The following SIL1 variants were observed in gnomAD, a reference collection of about 807,000 sequenced individuals.
SIL1 encodes the protein SIL1 nucleotide exchange factor.
In SIL1, 40 loss-of-function variants were observed where a neutral mutation model predicts 49.1. The ratio of observed to expected loss-of-function variants is 0.81; its 90% CI spans 0.63 to 1.06. The LOEUF (loss-of-function observed/expected upper bound fraction) is 1.06, where lower values mean the gene tolerates loss of function less well. Ranked by LOEUF, SIL1 falls within the 50% of genes least tolerant of loss-of-function variation. The pLI, the probability that SIL1 is intolerant of heterozygous loss-of-function variation, is 0.00. For synonymous variants in SIL1, 253 were observed against 250.8 expected (o/e 1.01, Z -0.08); for missense variants, 500 against 572.6 (o/e 0.87, Z 1.29).
At chr5:139,087,177 G>C (rs1027613406) in intron 3 of SIL1, among the ~76,000 whole-genome samples, 6 of 151,676 alleles carry the variant, frequency 4.0e-5, no homozygotes, top group Admixed American at 1.3e-4. Context: ...CACTCTTCAG[G>C]CCAACAATCA....
intron 9 of SIL1, among the ~76,000 whole-genome samples, chr5:138,950,720 ACT>A (rs942747692): frequency 1.2e-4 from 18 of 151,968 alleles, no homozygotes; most frequent in Non-Finnish European, 2.1e-4. Flanking sequence ...GGTCCCTGAG[ACT>A]CTCAAGGGCA....
intron 7 of SIL1, among the ~76,000 whole-genome samples, chr5:139,007,799 C>T (rs1768156812): frequency 7.0e-6 from 1 of 143,344 alleles, no homozygotes; most frequent in African/African-American, 2.6e-5. Context: ...CCTTGCATCC[C>T]AGGGATGAAG....
In SIL1 at chr5:139,099,809, T is replaced by C. The variant is rs370146959; in HGVS notation, c.244+21226A>G. On this transcript the variant is annotated intron_variant, in intron 3 of 9. Transcript: ENST00000394817. ...GGAGTGGGGAAGGGGAACAAGGAGA[T>C]AGGGATGGTTAATGGATATTAAAAA... Among the ~76,000 whole-genome samples the C allele has an allele frequency of 1.1e-3, 163 of 152,102 alleles. 3 individuals carry two copies. The South Asian group carries it at 0.025, about 23-fold the overall frequency.
chr5:139,197,268 CAA>C (rs11363617), intron 1 of SIL1, among the ~76,000 whole-genome samples: 800 of 58,826 alleles, frequency 0.014, 3 homozygotes, highest in African/African-American at 0.033. Flanking sequence ...AACTCCGCCT[CAA>C]AAAAAAAAAA....
At chr5:139,197,147 A>C (rs1752289973) in intron 1 of SIL1, among the ~76,000 whole-genome samples, 1 of 151,944 alleles carries the variant, frequency 6.6e-6, no homozygotes, top group Admixed American at 6.6e-5. Context: ...GCATGCCTGT[A>C]ATCCCTGCTA....
chr5:139,094,156 A>G (rs187215317), intron 3 of SIL1, among the ~76,000 whole-genome samples: 76 of 152,372 alleles, frequency 5.0e-4, no homozygotes, highest in African/African-American at 1.7e-3. Context: ...ATGCTGAGCA[A>G]AAGTGGAAAA....
intron 3 of SIL1, among the ~76,000 whole-genome samples, chr5:139,064,412 G>A (rs1266065626): frequency 6.6e-6 from 1 of 152,190 alleles, no homozygotes; most frequent in African/African-American, 2.4e-5. Flanking sequence ...TGGGAGAAGA[G>A]GCAGATGGAG....
At chr5:139,195,067 G>A (rs1396803856) in intron 1 of SIL1, among the ~76,000 whole-genome samples, 1 of 151,878 alleles carries the variant, frequency 6.6e-6, no homozygotes, top group Non-Finnish European at 1.5e-5. Flanking sequence ...CGAGTAGCTG[G>A]GATTACAGGC....
At chr5:139,109,595 G>A (rs957971903) in intron 3 of SIL1, among the ~76,000 whole-genome samples, 1 of 151,022 alleles carries the variant, frequency 6.6e-6, no homozygotes, top group Non-Finnish European at 1.5e-5. Flanking sequence ...TTTACCAATG[G>A]ACCATGGGCT....
intron 1 of SIL1, among the ~76,000 whole-genome samples, chr5:139,162,245 TTC>T (rs1751527911): frequency 6.6e-6 from 1 of 152,242 alleles, no homozygotes; most frequent in East Asian, 1.9e-4. Flanking sequence ...GTGAATTTGT[TTC>T]TATCTGGCCA....
chr5:138,951,983 A>G lies in SIL1; in HGVS notation c.768-99T>C. On this transcript the variant is annotated intron_variant, in intron 7 of 9. Coordinates refer to ENST00000394817, the MANE Select transcript of SIL1 (RefSeq NM_022464.5). ...TGTCAGCCATCCCTGGGGAGAAACA[A>G]GAACAACAGAGGTTCCCACACGGGG... The G allele has an allele frequency of 5.6e-6, 6 of 1,065,460 alleles. No homozygotes were observed. The East Asian group carries it at 1.2e-4, about 21-fold the overall frequency. 66.0% of individuals were successfully genotyped at this position (1,065,460 alleles called of 1,614,324 possible).
intron 3 of SIL1, among the ~76,000 whole-genome samples, chr5:139,086,559 G>A (rs1414189854): frequency 2.6e-5 from 4 of 151,718 alleles, no homozygotes; most frequent in African/African-American, 9.7e-5. Context: ...GGTTTCACCA[G>A]TTGGCCAGGC....
intron 1 of SIL1, among the ~76,000 whole-genome samples, chr5:139,165,761 G>A (rs1292632592): frequency 6.6e-6 from 1 of 152,046 alleles, no homozygotes; most frequent in Non-Finnish European, 1.5e-5. Flanking sequence ...GTGTTCAAGT[G>A]ATTCTCCTGC....
At chr5:139,084,652 G>T (rs1770169812) in intron 3 of SIL1, among the ~76,000 whole-genome samples, 1 of 118,890 alleles carries the variant, frequency 8.4e-6, no homozygotes, top group African/African-American at 3.2e-5. Flanking sequence ...GGGGAGGGGG[G>T]AGGGATAGCA....
In SIL1 at chr5:139,020,884, A is replaced by G. The variant is rs1183779114; in HGVS notation, c.767+287T>C. On this transcript the variant is annotated intron_variant, in intron 7 of 9. Coordinates refer to ENST00000394817, the MANE Select transcript of SIL1 (RefSeq NM_022464.5). ...TTATTCCCCTCCCTCTCTACTATTT[A>G]TAGTTGGTCTAACTTTTTACAAGCT... Among the ~76,000 whole-genome samples the G allele has an allele frequency of 2.0e-5, 3 of 152,174 alleles. No homozygotes were observed. The South Asian group carries it at 6.2e-4, about 31-fold the overall frequency.
chr5:139,045,130 G>A (rs1050390154), intron 4 of SIL1, among the ~76,000 whole-genome samples: 3 of 152,150 alleles, frequency 2.0e-5, no homozygotes, highest in African/African-American at 7.2e-5. Flanking sequence ...GCTGAGGAGG[G>A]AGGATTGCTT....
intron 5 of SIL1, among the ~76,000 whole-genome samples, chr5:139,042,127 A>G (rs1417056242): frequency 6.6e-6 from 1 of 152,194 alleles, no homozygotes; most frequent in Non-Finnish European, 1.5e-5. Context: ...TTCCAGCCCC[A>G]TGTTTTAAAT....
intron 9 of SIL1, among the ~76,000 whole-genome samples, chr5:138,950,435 G>C (rs1315619633): frequency 6.6e-6 from 1 of 152,220 alleles, no homozygotes; most frequent in Non-Finnish European, 1.5e-5. Flanking sequence ...AGGCCTGGGG[G>C]AGGCGTGTGC....
At chr5:139,069,473 G>A (rs1354936268) in intron 3 of SIL1, among the ~76,000 whole-genome samples, 1 of 151,838 alleles carries the variant, frequency 6.6e-6, no homozygotes, top group African/African-American at 2.4e-5. Context: ...AATGAAGAAA[G>A]ACAAAAGAAG....
Sources: allele counts gnomAD v4.1 joint callset (sites outside exome capture counted in the v4.1 genomes callset), GRCh38; gene constraint gnomAD v4.1.1; transcripts MANE v1.5; gene names NCBI Gene and HGNC (gene_info 2026-07-23, HGNC 2026-07-21).